Variants in ESPN observed in about 807,000 individuals in gnomAD.
ESPN encodes espin.
A neutral mutation model predicts 77.7 loss-of-function variants in ESPN; 68 were observed. That is an observed-to-expected ratio of 0.87 (90% CI 0.72 to 1.07). The LOEUF is 1.07. Ranked by LOEUF, ESPN falls within the 50% of genes least tolerant of loss-of-function variation. The pLI is 0.00. For missense variants in ESPN, 1,060 were observed against 1,239.0 expected (o/e 0.86, Z 2.17); for synonymous variants, 449 against 567.1 (o/e 0.79, Z 2.96).
intron 5 of ESPN, among the ~76,000 whole-genome samples, chr1:6,442,198 A>G (rs1409047459): frequency 6.6e-6 from 1 of 152,164 alleles, no homozygotes; most frequent in African/African-American, 2.4e-5. Context: ...AGCAAACACT[A>G]TTCATTGGAT....
chr1:6,436,012 C>A (rs1054614503), intron 2 of ESPN, among the ~76,000 whole-genome samples: 1 of 152,212 alleles, frequency 6.6e-6, no homozygotes, highest in African/African-American at 2.4e-5. Context: ...CTCCTTATAG[C>A]GAAGCCGGGG....
intron 10 of ESPN, chr1:6,455,373 G>C (rs1487734284): frequency 7.8e-6 from 3 of 385,588 alleles, no homozygotes; most frequent in Admixed American, 4.5e-5. Context: ...GCTGCCCCGC[G>C]TGGCGGCTGC....
intron 5 of ESPN, among the ~76,000 whole-genome samples, chr1:6,444,159 A>C (rs1031622556): frequency 6.6e-6 from 1 of 152,146 alleles, no homozygotes; most frequent in Non-Finnish European, 1.5e-5. Context: ...TCCGTGAGGG[A>C]GAAGGCCGAT....
At chr1:6,453,342 G>A (rs1354139905) in intron 10 of ESPN, among the ~76,000 whole-genome samples, 1 of 152,254 alleles carries the variant, frequency 6.6e-6, no homozygotes, top group Non-Finnish European at 1.5e-5. Context: ...GGGTGGCAGT[G>A]GAGAGAAGTA....
rs778841949 is a variant in ESPN, at chr1:6,443,932, G to A, written c.991-549G>A. ...GTCAGACGCACAGACCGGGCAGGGC[G>A]AGGGGATGGCAGGCCTGGCAGCCTG... On this transcript the variant is annotated intron_variant, in intron 5 of 12. Transcript: ENST00000645284. Among the ~76,000 whole-genome samples, 7 of 152,362 alleles carry A rather than the reference G, an allele frequency of 4.6e-5. No homozygotes were observed. The East Asian group carries it at 1.3e-3, about 29-fold the overall frequency.
intron 7 of ESPN, 151 bp from the exon 8 acceptor site, chr1:6,448,490 T>C (rs1057050724): frequency 4.9e-6 from 3 of 610,576 alleles, no homozygotes; most frequent in Non-Finnish European, 8.1e-6. Context: ...CGCTGCCCAC[T>C]GTGAGAACCA....
rs1452580522 is a variant in ESPN at position 6,440,248 on chromosome 1, C to T, written c.489-6C>T. ...AAAGCCCACGGTGGGCGCTGTGTCT[C>T]CGCAGGGGAGTGAATGCCCAAACCA... is the stretch of plus-strand genomic sequence containing the variant. On this transcript the variant is annotated splice_region_variant and splice_polypyrimidine_tract_variant and intron_variant, in intron 2 of 12. Transcript: ENST00000645284. The T allele has an allele frequency of 2.3e-5, 35 of 1,548,288 alleles. No homozygotes were observed. Among genetic ancestry groups the T allele is most frequent in the Non-Finnish European group, 2.9e-5 (33 of 1,146,344 alleles).
chr1:6,460,297 A>G lies in ESPN; in HGVS notation c.*151A>G. On this transcript the variant is annotated 3_prime_UTR_variant, in exon 13 of 13. Coordinates refer to ENST00000645284, the MANE Select transcript of ESPN (RefSeq NM_031475.3). ...CCTGACCCCCACCCTGGCCCCCCGT[A>G]TCCCCAGCCCTTGGCAACACTGGAG... The G allele has an allele frequency of 3.9e-6, 4 of 1,016,236 alleles. No homozygotes were observed. The highest frequency in any genetic ancestry group is 1.7e-5 in the South Asian group (1 of 58,428). The allele number at this position is 1,016,236 out of a possible 1,614,324, so 63.0% of individuals were successfully genotyped here.
chr1:6,453,981 C>T (rs1644000488), intron 10 of ESPN, among the ~76,000 whole-genome samples: 1 of 152,118 alleles, frequency 6.6e-6, no homozygotes, highest in African/African-American at 2.4e-5. Context: ...GCACAGGGAG[C>T]GGGAAGGCTT....
At chr1:6,425,366 A>G in intron 1 of ESPN, 117 bp downstream of exon 1, 2 of 1,284,100 alleles carry the variant, frequency 1.6e-6, no homozygotes, top group Non-Finnish European at 2.2e-6. Context: ...GCCCAGCTGA[A>G]CCCTGCACGG....
At chr1:6,441,710 G>A (rs74049577) in intron 5 of ESPN, among the ~76,000 whole-genome samples, 2,425 of 152,370 alleles carry the variant, frequency 0.016, 62 homozygotes, top group African/African-American at 0.056. Context: ...TGAGGCAATA[G>A]GCAGGGAAGA....
chr1:6,454,518 G>A (rs1198635655), intron 10 of ESPN: 1 of 399,008 alleles, frequency 2.5e-6, no homozygotes, highest in Non-Finnish European at 4.4e-6. Context: ...GCCCTTTGGC[G>A]AGCTTATGAC....
At chr1:6,426,178 T>C (rs760533221) in intron 1 of ESPN, among the ~76,000 whole-genome samples, 17 of 152,226 alleles carry the variant, frequency 1.1e-4, no homozygotes, top group Non-Finnish European at 2.1e-4. Flanking sequence ...TAAACTGGCT[T>C]ACTATGCCCC....
intron 7 of ESPN, among the ~76,000 whole-genome samples, chr1:6,446,584 T>C (rs1338304745): frequency 6.6e-6 from 1 of 152,114 alleles, no homozygotes; most frequent in Non-Finnish European, 1.5e-5. Flanking sequence ...CCTAGGGATG[T>C]CTGGGGCCTG....
chr1:6,433,704 C>T (rs772545468), intron 2 of ESPN, among the ~76,000 whole-genome samples: 7 of 152,282 alleles, frequency 4.6e-5, no homozygotes, highest in Admixed American at 6.5e-5. Flanking sequence ...ATCCCTCCTC[C>T]GGGCTGTGGT....
rs1263000793 is a variant in ESPN, at chr1:6,440,797, G to A, written c.847G>A (p.Gly283Arg). 4 of 1,508,402 alleles carry A rather than the reference G, an allele frequency of 2.7e-6. No individual in the cohort carries two copies. Among genetic ancestry groups the A allele is most frequent in the East Asian group, 2.7e-5 (1 of 37,506 alleles). The allele number at this position is 1,508,402 out of a possible 1,614,324, so 93.4% of individuals were successfully genotyped here. Residue 283 changes from glycine to arginine, a missense_variant, in exon 4 of 13, where the codon GGG (glycine) becomes AGG (arginine). Transcript: ENST00000645284. ...CCCGCTGCACGACGCCGCCGAGAAC[G>A]GGGAGCTAGAGGTCAGCGCGGGCCC... Reference protein sequence around the residue: ...GTPLHDAAENGELECCQILVV... With the variant: ...GTPLHDAAENRELECCQILVV...
intron 7 of ESPN, 58 bp from the exon 8 acceptor site, chr1:6,448,583 C>A (rs1643890914): frequency 2.7e-6 from 4 of 1,459,654 alleles, no homozygotes; most frequent in South Asian, 1.2e-5. Context: ...GGTGGGGAGG[C>A]GTGGGGGGCG....
intron 2 of ESPN, among the ~76,000 whole-genome samples, chr1:6,438,617 G>T (rs1287034903): frequency 2.6e-5 from 4 of 152,238 alleles, no homozygotes; most frequent in Non-Finnish European, 5.9e-5. Flanking sequence ...CAGACAGATG[G>T]GTGTTCAAAT....
At chr1:6,430,686 G>T (rs1327786843) in intron 2 of ESPN, among the ~76,000 whole-genome samples, 1 of 151,946 alleles carries the variant, frequency 6.6e-6, no homozygotes, top group Admixed American at 6.6e-5. Context: ...CAGGAGAATC[G>T]CTTGAACCCG....
Sources: gnomAD v4.1 joint callset for allele counts (sites outside exome capture counted in the v4.1 genomes callset) on GRCh38, gnomAD v4.1.1 for gene constraint, MANE v1.5 for transcripts, NCBI Gene and HGNC (gene_info 2026-07-23, HGNC 2026-07-21) for gene names.